The following KCNJ3 variants were observed in gnomAD, a reference collection of about 807,000 sequenced individuals.
The protein encoded by KCNJ3 is G protein-activated inward rectifier potassium channel 1.
Under a neutral mutation model 39.2 loss-of-function variants are expected in KCNJ3, and 4 were observed. That is an observed-to-expected ratio of 0.10 (90% CI 0.05 to 0.23). The LOEUF (loss-of-function observed/expected upper bound fraction) is 0.23, where lower values mean the gene tolerates loss of function less well. Among genes scored for constraint, KCNJ3 ranks in the 10% least tolerant of loss-of-function variants. The pLI is 1.00. For missense variants in KCNJ3, 276 were observed against 634.9 expected (o/e 0.43, Z 6.08); for synonymous variants, 230 against 237.4 (o/e 0.97, Z 0.29).
intron 2 of KCNJ3, among the ~76,000 whole-genome samples, chr2:154,710,998 A>T (rs1558852988): frequency 6.6e-6 from 1 of 152,134 alleles, no homozygotes; most frequent in Non-Finnish European, 1.5e-5. Context: ...TAACCACCTC[A>T]AAGCTGCTTG....
At chr2:154,726,818 CA>C (rs1685366197) in intron 2 of KCNJ3, among the ~76,000 whole-genome samples, 10 of 150,552 alleles carry the variant, frequency 6.6e-5, no homozygotes, top group Middle Eastern at 3.4e-3. Flanking sequence ...CACACACACA[CA>C]CACACACACA....
intron 2 of KCNJ3, among the ~76,000 whole-genome samples, chr2:154,719,912 C>A (rs1055437537): frequency 6.6e-6 from 1 of 152,054 alleles, no homozygotes; most frequent in Non-Finnish European, 1.5e-5. Flanking sequence ...GACATTGCCT[C>A]AATTTGATTA....
intron 2 of KCNJ3, among the ~76,000 whole-genome samples, chr2:154,764,277 C>T (rs931248584): frequency 3.3e-5 from 5 of 152,050 alleles, no homozygotes; most frequent in African/African-American, 9.7e-5. Context: ...TCTCTTTTAC[C>T]CTTTGGTTGT....
chr2:154,745,674 T>C (rs1471652985), intron 2 of KCNJ3, among the ~76,000 whole-genome samples: 1 of 152,088 alleles, frequency 6.6e-6, no homozygotes, highest in Non-Finnish European at 1.5e-5. Context: ...ACTTTTGGCA[T>C]CTTCATTTGG....
chr2:154,806,932 T>C (rs1686922238), intron 2 of KCNJ3, among the ~76,000 whole-genome samples: 1 of 152,198 alleles, frequency 6.6e-6, no homozygotes, highest in African/African-American at 2.4e-5. Context: ...GGTTTCACCT[T>C]GGTCTCAAAG....
chr2:154,817,362 T>C (rs1687102294), intron 2 of KCNJ3, among the ~76,000 whole-genome samples: 1 of 152,142 alleles, frequency 6.6e-6, no homozygotes, highest in South Asian at 2.1e-4. Flanking sequence ...GATTACTTAG[T>C]AATTATTGGT....
intron 2 of KCNJ3, among the ~76,000 whole-genome samples, chr2:154,757,451 T>C (rs1208311386): frequency 6.6e-6 from 1 of 152,176 alleles, no homozygotes; most frequent in Non-Finnish European, 1.5e-5. Flanking sequence ...ATTAATTCTG[T>C]GCCCTTTTCT....
chr2:154,771,752 T>C (rs192173905), intron 2 of KCNJ3, among the ~76,000 whole-genome samples: 7 of 152,264 alleles, frequency 4.6e-5, no homozygotes, highest in Admixed American at 4.6e-4. Context: ...GCAAATACAC[T>C]CTGGGAACTA....
At chr2:154,781,740 C>T (rs560540578) in intron 2 of KCNJ3, among the ~76,000 whole-genome samples, 2 of 151,954 alleles carry the variant, frequency 1.3e-5, no homozygotes, top group Non-Finnish European at 2.9e-5. Flanking sequence ...CTTGCCCGAA[C>T]CATTTAATAA....
At chr2:154,722,923 A>G (rs1035276638) in intron 2 of KCNJ3, among the ~76,000 whole-genome samples, 2 of 152,142 alleles carry the variant, frequency 1.3e-5, no homozygotes, top group Non-Finnish European at 1.5e-5. Flanking sequence ...ATAAAGTTTC[A>G]TGCTTGAAGA....
At chr2:154,719,640 T>C (rs918267867) in intron 2 of KCNJ3, among the ~76,000 whole-genome samples, 15 of 152,124 alleles carry the variant, frequency 9.9e-5, no homozygotes, top group Non-Finnish European at 1.9e-4. Context: ...CATGTGCTAT[T>C]ATTTACTGTT....
chr2:154,847,154 G>A (rs1293158445), intron 2 of KCNJ3, among the ~76,000 whole-genome samples: 1 of 152,068 alleles, frequency 6.6e-6, no homozygotes, highest in Non-Finnish European at 1.5e-5. Context: ...TTTGCAACCT[G>A]TATCTCAAAA....
Position 154,834,385 on chromosome 2 carries a change from A to G in KCNJ3, c.920-20342A>G, listed in dbSNP as rs375164934. Among the ~76,000 whole-genome samples, 27 of 152,274 alleles carry G rather than the reference A, an allele frequency of 1.8e-4. No individual in the cohort carries two copies. In the East Asian group the frequency reaches 3.1e-3, roughly 17 times the overall value. On this transcript the variant is annotated intron_variant, in intron 2 of 2. Transcript: ENST00000295101. Reference sequence around the variant, plus strand: ...TCTTTTGCCCATATTTTATTGAGGTATAGATTTTTCACCTGAAAAATAAAA... The same window carrying G: ...TCTTTTGCCCATATTTTATTGAGGTGTAGATTTTTCACCTGAAAAATAAAA...
At chr2:154,808,045 C>G (rs1212487716) in intron 2 of KCNJ3, among the ~76,000 whole-genome samples, 1 of 151,572 alleles carries the variant, frequency 6.6e-6, no homozygotes, top group Non-Finnish European at 1.5e-5. Context: ...GATCTTGCAT[C>G]TGGAGTGTCA....
intron 2 of KCNJ3, among the ~76,000 whole-genome samples, chr2:154,812,434 T>G: frequency 6.6e-6 from 1 of 152,144 alleles, no homozygotes; most frequent in East Asian, 1.9e-4. Context: ...ACTTTTAATT[T>G]TAAAAGAGTC....
At chr2:154,731,667 G>A (rs927780243) in intron 2 of KCNJ3, among the ~76,000 whole-genome samples, 6 of 151,472 alleles carry the variant, frequency 4.0e-5, no homozygotes, top group Admixed American at 1.3e-4. Flanking sequence ...GTTGTCATAT[G>A]AAATTACCTT....
chr2:154,769,839 T>G (rs1213400392), intron 2 of KCNJ3, among the ~76,000 whole-genome samples: 1 of 152,146 alleles, frequency 6.6e-6, no homozygotes, highest in Non-Finnish European at 1.5e-5. Flanking sequence ...TGTGGTTATA[T>G]GACAATGTTG....
intron 2 of KCNJ3, among the ~76,000 whole-genome samples, chr2:154,773,528 T>C (rs761828425): frequency 3.3e-5 from 5 of 152,242 alleles, no homozygotes; most frequent in Non-Finnish European, 7.4e-5. Context: ...CTGGTGATAT[T>C]TAGTTCCATG....
chr2:154,731,838 C>T (rs1033615493), intron 2 of KCNJ3, among the ~76,000 whole-genome samples: 2 of 151,620 alleles, frequency 1.3e-5, no homozygotes, highest in African/African-American at 4.8e-5. Flanking sequence ...AAAAAATTGT[C>T]CTACCAAATG....
Sources: gnomAD v4.1 joint callset for allele counts (sites outside exome capture counted in the v4.1 genomes callset) on GRCh38, gnomAD v4.1.1 for gene constraint, MANE v1.5 for transcripts, NCBI Gene and HGNC (gene_info 2026-07-23, HGNC 2026-07-21) for gene names.